KPNA3: variants seen among roughly 807,000 people sequenced by gnomAD.
The protein encoded by KPNA3 is karyopherin subunit alpha 3, also known as importin subunit alpha-4.
KPNA3 carries 13 observed loss-of-function variants against 73.8 expected under a neutral mutation model. The observed-to-expected ratio is 0.18, with a 90% confidence interval of 0.11 to 0.28. KPNA3 has a LOEUF of 0.28. Ranked by LOEUF, KPNA3 falls within the 10% of genes least tolerant of loss-of-function variation. KPNA3 has a pLI of 1.00. For missense variants in KPNA3, 360 were observed against 618.1 expected (o/e 0.58, Z 4.43); for synonymous variants, 186 against 206.9 (o/e 0.90, Z 0.87).
At chr13:49,779,584 A>G (rs917241042) in intron 1 of KPNA3, among the ~76,000 whole-genome samples, 1 of 152,148 alleles carries the variant, frequency 6.6e-6, no homozygotes, top group Admixed American at 6.5e-5. Context: ...CCAAGTCCTC[A>G]GGTCTCTTTT....
chr13:49,730,519 CAAAAAAAAAAAAAAAA>C (rs55725741), intron 6 of KPNA3, among the ~76,000 whole-genome samples: 90 of 27,294 alleles, frequency 3.3e-3, no homozygotes, highest in Middle Eastern at 0.045. Flanking sequence ...GACTCTGTCT[CAAAAAAAAAAAAAAAA>C]AAAAAAAAAA....
intron 1 of KPNA3, among the ~76,000 whole-genome samples, chr13:49,765,623 A>ACCGC (rs1954802344): frequency 6.6e-6 from 1 of 152,184 alleles, no homozygotes; most frequent in African/African-American, 2.4e-5. Flanking sequence ...GGCATGAGCC[A>ACCGC]CCGCGCCTGG....
At chr13:49,777,652 CAA>C (rs1566360584) in intron 1 of KPNA3, among the ~76,000 whole-genome samples, 1 of 150,114 alleles carries the variant, frequency 6.7e-6, no homozygotes, top group East Asian at 1.9e-4. Context: ...AGGCACACGA[CAA>C]TGCACCCAGA....
intron 2 of KPNA3, among the ~76,000 whole-genome samples, chr13:49,744,938 A>C (rs1245584592): frequency 6.6e-6 from 1 of 152,122 alleles, no homozygotes; most frequent in African/African-American, 2.4e-5. Flanking sequence ...CTTAAATGTT[A>C]TTTCTTCAGA....
intron 2 of KPNA3, among the ~76,000 whole-genome samples, chr13:49,734,856 T>C (rs1954504942): frequency 6.6e-6 from 1 of 151,962 alleles, no homozygotes; most frequent in Non-Finnish European, 1.5e-5. Flanking sequence ...ACAATGATTA[T>C]ATCTTTGATG....
intron 1 of KPNA3, among the ~76,000 whole-genome samples, chr13:49,760,778 A>G (rs776070079): frequency 1.3e-5 from 2 of 152,128 alleles, no homozygotes; most frequent in Non-Finnish European, 2.9e-5. Flanking sequence ...TCCTGAAGAG[A>G]CTGGCATTTG....
rs55725741 is a variant in KPNA3 at position 49,730,519 on chromosome 13, C to CAAA, written c.383+1849_383+1851dup. ...TGGGCAACAGAGCGAGACTCTGTCT[C>CAAA]AAAAAAAAAAAAAAAAAAAAAAAAA... is the stretch of plus-strand genomic sequence containing the variant. On this transcript the variant is annotated intron_variant, in intron 6 of 16. Transcript: ENST00000261667. Among the ~76,000 whole-genome samples, 27 of 27,280 alleles carry CAAA rather than the reference C, an allele frequency of 9.9e-4. 9 individuals carry two copies. The highest frequency in any genetic ancestry group is 1.4e-3 in the African/African-American group (10 of 7,182). 17.9% of individuals were successfully genotyped at this position (27,280 alleles called of 152,430 possible).
Position 49,742,615 on chromosome 13 carries a change from T to C in KPNA3, c.114+4334A>G, listed in dbSNP as rs150362058. ...GTCTTCTGTGGTTTCATATAAATTTTAGTTTTTTTTTTTCTATTTCTGTGA... is the reference window on the plus strand; with the variant it reads ...GTCTTCTGTGGTTTCATATAAATTTCAGTTTTTTTTTTTCTATTTCTGTGA... On this transcript the variant is annotated intron_variant, in intron 2 of 16. Transcript: ENST00000261667. 3.1e-3 allele frequency among the ~76,000 whole-genome samples: 479 copies of C among 152,208 alleles called. 1 individual carries two copies. Among genetic ancestry groups the C allele is most frequent in the Non-Finnish European group, 4.7e-3 (319 of 67,972 alleles).
intron 9 of KPNA3, among the ~76,000 whole-genome samples, chr13:49,721,038 G>A (rs1164481343): frequency 2.6e-5 from 4 of 152,070 alleles, no homozygotes; most frequent in Non-Finnish European, 4.4e-5. Flanking sequence ...GGCCTACACA[G>A]TGAAACCCCA....
In KPNA3 at chr13:49,700,436, T is replaced by C. The variant is rs562299249; in HGVS notation, c.*1364A>G. The C allele has an allele frequency of 6.5e-6, 1 of 152,812 alleles. No homozygotes were observed. The highest frequency in any genetic ancestry group is 2.1e-4 in the South Asian group (1 of 4,834). 9.5% of individuals were successfully genotyped at this position (152,812 alleles called of 1,614,324 possible). On this transcript the variant is annotated 3_prime_UTR_variant, in exon 17 of 17. Transcript: ENST00000261667. Reference sequence around the variant, plus strand: ...TTTAGTTTAAAAATTTTTAAATCCATATTCTTTCATTAATAACTGGGTCAG... The same window carrying C: ...TTTAGTTTAAAAATTTTTAAATCCACATTCTTTCATTAATAACTGGGTCAG...
chr13:49,717,150 GTC>G (rs1954311389), intron 10 of KPNA3, among the ~76,000 whole-genome samples: 1 of 151,900 alleles, frequency 6.6e-6, no homozygotes, highest in Non-Finnish European at 1.5e-5. Flanking sequence ...TGTGTTATTT[GTC>G]TGTTACAGAT....
intron 11 of KPNA3, among the ~76,000 whole-genome samples, chr13:49,710,617 C>T (rs1289355963): frequency 6.6e-6 from 1 of 152,156 alleles, no homozygotes; most frequent in African/African-American, 2.4e-5. Flanking sequence ...GGGAGATGAT[C>T]GTTTCATTTC....
intron 2 of KPNA3, among the ~76,000 whole-genome samples, chr13:49,733,419 G>C (rs1403925067): frequency 6.6e-6 from 1 of 151,428 alleles, no homozygotes; most frequent in African/African-American, 2.4e-5. Context: ...CTCCTGAGTA[G>C]CTGGGATTAC....
At chr13:49,743,873 G>A (rs74570506) in intron 2 of KPNA3, among the ~76,000 whole-genome samples, 4,319 of 152,252 alleles carry the variant, frequency 0.028, 208 homozygotes, top group African/African-American at 0.098. Context: ...GTGGCAGATG[G>A]TGTAATGTTA....
chr13:49,730,971 A>G (rs1417785996), intron 6 of KPNA3, among the ~76,000 whole-genome samples: 1 of 150,692 alleles, frequency 6.6e-6, no homozygotes, highest in East Asian at 2.0e-4. Context: ...TAATAGAGAC[A>G]GGGTTTCACC....
intron 1 of KPNA3, among the ~76,000 whole-genome samples, chr13:49,769,710 T>C (rs1206973139): frequency 6.6e-6 from 1 of 152,230 alleles, no homozygotes; most frequent in Non-Finnish European, 1.5e-5. Flanking sequence ...GTTTCCACTT[T>C]GGGGATATTA....
intron 1 of KPNA3, among the ~76,000 whole-genome samples, chr13:49,781,932 G>C (rs1954943724): frequency 6.6e-6 from 1 of 152,188 alleles, no homozygotes; most frequent in Non-Finnish European, 1.5e-5. Flanking sequence ...AGACAAAGCT[G>C]AAGAATCAAG....
chr13:49,752,766 C>T (rs985729800), intron 1 of KPNA3, among the ~76,000 whole-genome samples: 2 of 152,038 alleles, frequency 1.3e-5, no homozygotes, highest in South Asian at 2.1e-4. Flanking sequence ...CGGTGGCTTA[C>T]GTCTGTAATC....
At chr13:49,702,884 C>T (rs1300257617) in intron 15 of KPNA3, among the ~76,000 whole-genome samples, 12 of 152,116 alleles carry the variant, frequency 7.9e-5, no homozygotes, top group South Asian at 2.1e-4. Flanking sequence ...TTTTTTGAGA[C>T]GGAGTCTCGC....
Sources: allele counts gnomAD v4.1 joint callset (sites outside exome capture counted in the v4.1 genomes callset), GRCh38; gene constraint gnomAD v4.1.1; transcripts MANE v1.5; gene names NCBI Gene and HGNC (gene_info 2026-07-23, HGNC 2026-07-21).